The following SLC4A2 variants were observed in gnomAD, a reference collection of about 807,000 sequenced individuals.
SLC4A2 encodes the protein anion exchange protein 2.
A neutral mutation model predicts 115.0 loss-of-function variants in SLC4A2; 36 were observed. The ratio of observed to expected loss-of-function variants is 0.31; its 90% CI spans 0.24 to 0.41. SLC4A2 has a LOEUF of 0.41. SLC4A2 is among the 10% of genes least tolerant of loss of function. SLC4A2 has a pLI of 1.00. For synonymous variants in SLC4A2, 708 were observed against 708.3 expected (o/e 1.00, Z 0.01); for missense variants, 1,252 against 1,705.6 (o/e 0.73, Z 4.68).
At position 151,064,966 on chromosome 7, in the gene SLC4A2, G is replaced by T. The variant is rs756015167; in HGVS notation, c.578G>T (p.Gly193Val). ...TPRASKGAQA[G>V]TQVEEAEAEA... The stretch of plus-strand genomic sequence containing the variant: ...CGGGCCTCCAAAGGGGCCCAGGCTG[G>T]GTAAGTACACCCCAATCAACAGTGT... Residue 193 changes from glycine to valine, a missense_variant and splice_region_variant, in exon 5 of 23, where the codon GGA becomes GTA. Around this residue, in one of 14 missense-constraint regions of SLC4A2, gnomAD observed 215 missense variants for 205.2 expected, o/e 1.05. Transcript: ENST00000413384. The T allele has an allele frequency of 2.5e-6, 4 of 1,597,240 alleles. No individual in the cohort carries two copies. Among genetic ancestry groups the T allele is most frequent in the African/African-American group, 2.7e-5 (2 of 74,696 alleles).
intron 2 of SLC4A2, chr7:151,062,831 C>G: frequency 7.3e-7 from 1 of 1,377,758 alleles, no homozygotes; most frequent in Non-Finnish European, 9.3e-7. Context: ...AGCCCCCTGG[C>G]CCGCTCACCT....
chr7:151,062,815 G>GA (rs934324191), intron 2 of SLC4A2: 38 of 1,371,442 alleles, frequency 2.8e-5, no homozygotes, highest in Non-Finnish European at 2.3e-5. Context: ...ACAGAGGGGA[G>GA]AAGCCAGCCC....
At chr7:151,066,273 G>A (rs558082022) in intron 5 of SLC4A2, among the ~76,000 whole-genome samples, 1 of 152,254 alleles carries the variant, frequency 6.6e-6, no homozygotes, top group Admixed American at 6.5e-5. Context: ...CGCAGTGGCC[G>A]TTCAGAGGGG....
chr7:151,074,636 C>T (rs1412212236), intron 18 of SLC4A2, 39 bp from the exon 19 acceptor site: 2 of 1,576,744 alleles, frequency 1.3e-6, no homozygotes, highest in Non-Finnish European at 8.6e-7. Flanking sequence ...CCTCCACATT[C>T]ACCTTAACCC....
At chr7:151,075,947 AAG>A (rs1273693619) in intron 21 of SLC4A2, 64 bp from the exon 22 acceptor site, 2 of 1,512,282 alleles carry the variant, frequency 1.3e-6, no homozygotes, top group Non-Finnish European at 1.8e-6. Context: ...GCCTCCGAAG[AAG>A]AGAGAGGCTC....
At position 151,061,914 on chromosome 7, in the gene SLC4A2, C is replaced by G; in HGVS notation, c.-63-11C>G. The G allele has an allele frequency of 2.2e-6, 3 of 1,385,342 alleles. No individual in the cohort carries two copies. The highest frequency in any genetic ancestry group is 3.0e-6 in the Non-Finnish European group (3 of 991,782). 85.8% of individuals were successfully genotyped at this position (1,385,342 alleles called of 1,614,324 possible). On this transcript the variant is annotated splice_polypyrimidine_tract_variant and intron_variant, in intron 1 of 22. Transcript: ENST00000413384. ...GGCTCTCGATGGTGATCAGGCCTCT[C>G]CCCCATCCAGGTTATGCCTCCGCCT...
chr7:151,068,268 C>G (rs1050783129), intron 8 of SLC4A2, among the ~76,000 whole-genome samples: 1 of 152,194 alleles, frequency 6.6e-6, no homozygotes, highest in African/African-American at 2.4e-5. Flanking sequence ...CGAAAATGTT[C>G]GAGAAGCTAT....
Position 151,071,904 on chromosome 7 carries a change from C to A in SLC4A2, c.2341-38C>A. 1 of 1,609,358 alleles carries A rather than the reference C, an allele frequency of 6.2e-7. No homozygotes were observed. The stretch of plus-strand genomic sequence containing the variant: ...CCCTAGACACCTCCCCACAGCATCC[C>A]CACCCAGAGCTCAGGACCTGACTGC... On this transcript the variant is annotated intron_variant, in intron 15 of 22. Transcript: ENST00000413384. This position sits in a 1 kb window ranked among gnomAD's most constrained non-coding sequence, Gnocchi z 5.5.
chr7:151,061,863 G>T, intron 1 of SLC4A2, 62 bp from the exon 2 acceptor site: 1 of 823,250 alleles, frequency 1.2e-6, no homozygotes, highest in East Asian at 2.7e-5. Context: ...AGCGCAGCCT[G>T]CGCGTGGTGG....
Position 151,076,016 on chromosome 7 carries a change from C to T in SLC4A2, c.3475C>T (p.Arg1159Trp), listed in dbSNP as rs1182375968. 1.2e-6 allele frequency: 2 copies of T among 1,600,992 alleles called. No individual in the cohort carries two copies. The highest frequency in any genetic ancestry group is 1.7e-6 in the Non-Finnish European group (2 of 1,173,686). Residue 1159 changes from arginine (R) to tryptophan (W), a missense_variant, in exon 22 of 23, where the codon CGG becomes TGG. Arg to Trp is a moderately radical substitution (Grantham distance 101). Around this residue, in one of 14 missense-constraint regions of SLC4A2, gnomAD observed 253 missense variants for 407.4 expected, o/e 0.62. Transcript: ENST00000413384. ...CTCACCTGTCTCCGCCCCCCAGGTC[C>T]GGACCCTCCGTATGCACCTGTTCAC... ...HPDVTYVKKVRTLRMHLFTAL... is the reference protein window; with the variant it reads ...HPDVTYVKKVWTLRMHLFTAL...
chr7:151,066,659 A>G lies in SLC4A2; in HGVS notation c.721A>G (p.Ile241Val). 1.3e-6 allele frequency: 2 copies of G among 1,550,940 alleles called. No individual in the cohort carries two copies. Among genetic ancestry groups the G allele is most frequent in the Non-Finnish European group, 1.7e-6 (2 of 1,147,086 alleles). ...RSYNLQERRR[I>V]GSMTGAEQAL... ...CTACAACCTTCAGGAGAGGAGGCGC[A>G]TCGGGAGCATGACTGGGGCTGAGCA... is the stretch of plus-strand genomic sequence containing the variant. Residue 241 changes from isoleucine (I) to valine (V), a missense_variant, in exon 6 of 23, where the codon ATC becomes GTC. This residue lies in a region of SLC4A2 where 42 missense variants were observed against 93.1 expected (regional missense o/e 0.45). Coordinates refer to ENST00000413384, the MANE Select transcript of SLC4A2 (RefSeq NM_003040.4).
chr7:151,075,665 AT>A lies in SLC4A2; in HGVS notation c.3365del (p.Phe1122SerfsTer92). On this transcript the variant is annotated frameshift_variant, in exon 21 of 23. Transcript: ENST00000413384. LOFTEE classifies it high-confidence loss of function. ...GATCCCCCTGGCCGTGCTCTTTGGAATTTTCCTGTACATGGGAGTCACCTCC... is the reference window on the plus strand; with the variant it reads ...GATCCCCCTGGCCGTGCTCTTTGGAATTTCCTGTACATGGGAGTCACCTCC... ...RQIPLAVLFG[I>X]FLYMGVTSLN... is the part of the protein sequence containing the mutation. 6.2e-7 allele frequency: 1 copy of A among 1,609,628 alleles called. No homozygotes were observed.
chr7:151,063,187 C>T, intron 2 of SLC4A2: 5 of 654,734 alleles, frequency 7.6e-6, no homozygotes, highest in Non-Finnish European at 9.2e-6. Context: ...CAGGATGACT[C>T]AGGTGGGGGC....
chr7:151,073,920 G>C, intron 16 of SLC4A2, 119 bp from the exon 17 acceptor site: 1 of 1,082,464 alleles, frequency 9.2e-7, no homozygotes, highest in Non-Finnish European at 1.3e-6. Context: ...AACAAGACAA[G>C]CTCCTTGAAA....
chr7:151,063,376 T>G (rs1262900148), intron 2 of SLC4A2, among the ~76,000 whole-genome samples: 1 of 152,180 alleles, frequency 6.6e-6, no homozygotes, highest in Non-Finnish European at 1.5e-5. Flanking sequence ...CAGAAGTTAC[T>G]TTTTGGGCTC....
Position 151,070,305 on chromosome 7 carries a change from A to C in SLC4A2, c.1408A>C (p.Met470Leu), listed in dbSNP as rs1328353716. 1 of 1,613,294 alleles carries C rather than the reference A, an allele frequency of 6.2e-7. No individual in the cohort carries two copies. The highest frequency in any genetic ancestry group is 8.5e-7 in the Non-Finnish European group (1 of 1,179,596). ...TGACCCCCACGTCACCGAGCCTCTC[A>C]TGGGAGGTGTTCCTGAGACCCGGCT... ...ESDPHVTEPL[M>L]GGVPETRLEV... The change falls in exon 10 of 23, where the codon ATG becomes CTG. Residue 470 changes from methionine to leucine, a missense_variant. Physicochemically the swap from Met to Leu is conservative, Grantham distance 15. Coordinates refer to ENST00000413384, the MANE Select transcript of SLC4A2 (RefSeq NM_003040.4).
rs188649580 is a variant in SLC4A2 at position 151,067,829 on chromosome 7, G to A, written c.967-45G>A. 26 of 1,575,496 alleles carry A rather than the reference G, an allele frequency of 1.7e-5. No homozygotes were observed. In the Admixed American group the frequency reaches 3.7e-4, roughly 22 times the overall value. On this transcript the variant is annotated intron_variant, in intron 7 of 22. Transcript: ENST00000413384. ...CACCTCTGACACCCACCCCAGGGCTGCCTCCGGCTCTGTACCCTGAAATGC... is the reference window on the plus strand; with the variant it reads ...CACCTCTGACACCCACCCCAGGGCTACCTCCGGCTCTGTACCCTGAAATGC...
At chr7:151,063,158 G>T (rs1016202465) in intron 2 of SLC4A2, 5 of 1,504,864 alleles carry the variant, frequency 3.3e-6, no homozygotes, top group Admixed American at 2.1e-5. Flanking sequence ...TGTGCCGGCC[G>T]GCCGCTGCTC....
At chr7:151,062,140 AGTGTG>A in intron 2 of SLC4A2, 102 bp downstream of exon 2, 4 of 197,480 alleles carry the variant, frequency 2.0e-5, no homozygotes, top group Non-Finnish European at 3.6e-5. Context: ...AGCGTGTGTG[AGTGTG>A]GAGACTGGGA....
Sources: gnomAD v4.1 joint callset for allele counts (sites outside exome capture counted in the v4.1 genomes callset) on GRCh38, gnomAD v4.1.1 for gene constraint, gnomAD v4.1.1 regional missense constraint, Gnocchi (gnomAD v3.1) non-coding constraint, MANE v1.5 for transcripts, NCBI Gene and HGNC (gene_info 2026-07-23, HGNC 2026-07-21) for gene names.